CCDC73: variants seen among roughly 807,000 people sequenced by gnomAD.
CCDC73 encodes coiled-coil domain-containing protein 73.
A neutral mutation model predicts 116.5 loss-of-function variants in CCDC73; 95 were observed. The observed-to-expected ratio is 0.82, with a 90% CI of 0.69 to 0.97. The LOEUF (loss-of-function observed/expected upper bound fraction) is 0.97, where lower values mean the gene tolerates loss of function less well. CCDC73 is among the 50% of genes least tolerant of loss of function. CCDC73 has a pLI of 0.00. For synonymous variants in CCDC73, 398 were observed against 401.3 expected, an observed-to-expected ratio of 0.99 and a Z score of 0.10; for missense variants, 1,066 against 1,206.8, an observed-to-expected ratio of 0.88 and a Z score of 1.73.
Position 32,683,544 on chromosome 11 carries a change from T to C in CCDC73, c.421A>G (p.Ser141Gly), listed in dbSNP as rs763120488. The C allele has an allele frequency of 2.0e-6, 3 of 1,521,162 alleles. No homozygotes were observed. Among genetic ancestry groups the C allele is most frequent in the South Asian group, 2.3e-5 (2 of 88,852 alleles). The allele number at this position is 1,521,162 out of a possible 1,614,324, so 94.2% of individuals were successfully genotyped here. A position where few individuals can be genotyped will look rare whatever the true frequency, so the allele number is the denominator to read the frequency against. ...TTTTGTAATTTCCTTACCATTTCAC[T>C]CACTTTCTTCTGTAAAGAGTATTTA... ...VSKYSLQKKV[S>G]EMEQKVQLHL... is the part of the protein sequence containing the mutation. Residue 141 changes from serine to glycine, a missense_variant, in exon 7 of 18, where the codon AGT (serine) becomes GGT (glycine). By Grantham distance (56) the Ser-to-Gly change is moderately conservative. Transcript: ENST00000335185.
chr11:32,733,617 A>T (rs1565087871), intron 2 of CCDC73, among the ~76,000 whole-genome samples: 1 of 152,128 alleles, frequency 6.6e-6, no homozygotes. Context: ...TAAGAATCTC[A>T]CTCAAAACTG....
chr11:32,662,164 T>C (rs1284092288), intron 9 of CCDC73, among the ~76,000 whole-genome samples: 1 of 152,260 alleles, frequency 6.6e-6, no homozygotes, highest in Non-Finnish European at 1.5e-5. Flanking sequence ...TGTGTCTTTA[T>C]AGCAGCATGC....
intron 3 of CCDC73, among the ~76,000 whole-genome samples, chr11:32,712,614 T>G (rs1274585837): frequency 6.6e-6 from 1 of 151,934 alleles, no homozygotes; most frequent in African/African-American, 2.4e-5. Flanking sequence ...AAAAACTCAT[T>G]GCTTATTTCT....
chr11:32,689,734 G>A (rs945515292), intron 6 of CCDC73, among the ~76,000 whole-genome samples: 2 of 152,120 alleles, frequency 1.3e-5, no homozygotes, highest in Middle Eastern at 3.4e-3. Context: ...AATTACTCAC[G>A]GCTGTAATCC....
chr11:32,782,382 A>G (rs1850591746), intron 1 of CCDC73, among the ~76,000 whole-genome samples: 1 of 152,220 alleles, frequency 6.6e-6, no homozygotes, highest in African/African-American at 2.4e-5. Flanking sequence ...TGTTCTAGGG[A>G]ATTTGACCAG....
At chr11:32,767,522 G>C (rs978435039) in intron 1 of CCDC73, among the ~76,000 whole-genome samples, 14 of 152,176 alleles carry the variant, frequency 9.2e-5, no homozygotes, top group African/African-American at 3.4e-4. Context: ...ACTACCATCA[G>C]AGTGAACAGG....
intron 14 of CCDC73, among the ~76,000 whole-genome samples, chr11:32,616,954 A>T (rs971520696): frequency 4.6e-5 from 7 of 152,202 alleles, no homozygotes. Flanking sequence ...AGAAGGTGTT[A>T]GCTAAACATA....
chr11:32,653,365 G>T (rs1855843824), intron 11 of CCDC73, 138 bp from the exon 12 acceptor site: 2 of 506,980 alleles, frequency 3.9e-6, no homozygotes, highest in Admixed American at 3.9e-5. Context: ...TAAACTAATG[G>T]CACATCTAAT....
intron 9 of CCDC73, among the ~76,000 whole-genome samples, chr11:32,670,592 G>T (rs572305570): frequency 2.0e-5 from 3 of 151,910 alleles, no homozygotes; most frequent in Non-Finnish European, 4.4e-5. Context: ...CTCCTAAAAC[G>T]CAATGTCCTA....
intron 14 of CCDC73, among the ~76,000 whole-genome samples, chr11:32,633,544 A>C (rs970474924): frequency 2.0e-5 from 3 of 152,220 alleles, no homozygotes; most frequent in Non-Finnish European, 4.4e-5. Flanking sequence ...GAGAAATAAT[A>C]CGAAGAAAAA....
chr11:32,671,183 T>C (rs1856034599), intron 9 of CCDC73, among the ~76,000 whole-genome samples: 1 of 152,128 alleles, frequency 6.6e-6, no homozygotes, highest in African/African-American at 2.4e-5. Context: ...TCTTTTCTCC[T>C]TCACCCCTCC....
chr11:32,607,213 C>A (rs933096928), intron 17 of CCDC73, among the ~76,000 whole-genome samples: 1 of 147,170 alleles, frequency 6.8e-6, no homozygotes, highest in African/African-American at 2.5e-5. Flanking sequence ...CTGCCTCAGC[C>A]TCCCAAGTAG....
At chr11:32,758,462 G>A (rs1372776809) in intron 2 of CCDC73, 1 of 464,836 alleles carries the variant, frequency 2.2e-6, no homozygotes, top group Non-Finnish European at 4.3e-6. Flanking sequence ...AAGTTCTTAT[G>A]AGGTTATCTT....
intron 14 of CCDC73, among the ~76,000 whole-genome samples, chr11:32,628,548 A>G (rs1334266034): frequency 6.6e-6 from 1 of 152,214 alleles, no homozygotes; most frequent in African/African-American, 2.4e-5. Context: ...CAAGCCAGAG[A>G]GGAATGAACT....
At chr11:32,826,905 A>C in the CCDC73 span, among the ~76,000 whole-genome samples, 1 of 152,202 alleles carries the variant, frequency 6.6e-6, no homozygotes. Context: ...CTTGTTGCCC[A>C]GGCTGGAGGG....
intron 2 of CCDC73, among the ~76,000 whole-genome samples, chr11:32,742,954 T>C (rs1850201637): frequency 6.6e-6 from 1 of 152,188 alleles, no homozygotes; most frequent in South Asian, 2.1e-4. Flanking sequence ...TTGTCAAAGA[T>C]CAGATGGTGG....
At chr11:32,696,865 T>TC (rs1242939383) in intron 6 of CCDC73, among the ~76,000 whole-genome samples, 1 of 152,050 alleles carries the variant, frequency 6.6e-6, no homozygotes, top group East Asian at 1.9e-4. Context: ...AGGATTTTTT[T>TC]TTTTTTTTTG....
chr11:32,684,968 G>T (rs1856182226), intron 6 of CCDC73, among the ~76,000 whole-genome samples: 1 of 151,854 alleles, frequency 6.6e-6, no homozygotes, highest in Non-Finnish European at 1.5e-5. Flanking sequence ...GTGACAGAAT[G>T]AGACTCTGTC....
At chr11:32,808,314 G>C in the CCDC73 span, among the ~76,000 whole-genome samples, 1 of 152,250 alleles carries the variant, frequency 6.6e-6, no homozygotes, top group East Asian at 1.9e-4. Context: ...TAGCATGAGT[G>C]GGGAGTAAGG....
Sources: allele counts gnomAD v4.1 joint callset (sites outside exome capture counted in the v4.1 genomes callset), GRCh38; gene constraint gnomAD v4.1.1; transcripts MANE v1.5; gene names NCBI Gene and HGNC (gene_info 2026-07-23, HGNC 2026-07-21).